Variants in RPH3AL observed in about 807,000 individuals in gnomAD.
The protein encoded by RPH3AL is rab effector Noc2.
RPH3AL carries 38 observed loss-of-function variants against 43.1 expected under a neutral mutation model. The ratio of observed to expected loss-of-function variants is 0.88; its 90% CI spans 0.68 to 1.15. The LOEUF is 1.15. RPH3AL is among the 50% of genes most tolerant of loss of function. The probability of loss-of-function intolerance (pLI) is 0.00; values close to 1 mark genes in which losing one functional copy is unlikely to be tolerated. For missense variants in RPH3AL, 462 were observed against 423.2 expected, an observed-to-expected ratio of 1.09 and a Z score of -0.81; for synonymous variants, 189 against 176.3, an observed-to-expected ratio of 1.07 and a Z score of -0.57.
At position 213,560 on chromosome 17, in the gene RPH3AL, G is replaced by A. The variant is rs2040721008; in HGVS notation, c.*292C>T. On this transcript the variant is annotated 3_prime_UTR_variant, in exon 10 of 10. Transcript: ENST00000331302. ...AACCCCCCAGCCCAACCCAAGACAC[G>A]CGCAAACTTAAAATCATCACCAGGT... is the stretch of plus-strand genomic sequence containing the variant. 1.4e-5 allele frequency: 7 copies of A among 515,480 alleles called. No homozygotes were observed. The highest frequency in any genetic ancestry group is 5.8e-5 in the African/African-American group (3 of 51,860). The allele number at this position is 515,480 out of a possible 1,614,324, so 31.9% of individuals were successfully genotyped here.
chr17:225,894 T>C lies in RPH3AL; in HGVS notation c.614-6158A>G, dbSNP rs976234544. On this transcript the variant is annotated intron_variant, in intron 7 of 9. Coordinates refer to ENST00000331302, the MANE Select transcript of RPH3AL (RefSeq NM_006987.4). The surrounding 1 kb of genome is among the most constrained non-coding windows in gnomAD (Gnocchi z 4.4). Reference sequence around the variant, plus strand: ...GGGATGGGATGTCCCAGGACTGGGGTTAGGGAGGTGAGCTCACCCTCCATC... The same window carrying C: ...GGGATGGGATGTCCCAGGACTGGGGCTAGGGAGGTGAGCTCACCCTCCATC... Among the ~76,000 whole-genome samples, 2 of 152,092 alleles carry C rather than the reference T, an allele frequency of 1.3e-5. No individual in the cohort carries two copies. The highest frequency in any genetic ancestry group is 2.9e-5 in the Non-Finnish European group (2 of 68,010).
At chr17:228,255 C>A (rs1412656113) in intron 7 of RPH3AL, among the ~76,000 whole-genome samples, 2 of 152,162 alleles carry the variant, frequency 1.3e-5, no homozygotes, top group Non-Finnish European at 2.9e-5. Flanking sequence ...TTTGCCAGGG[C>A]TGGTCTGTAA....
chr17:247,201 G>A lies in RPH3AL; in HGVS notation c.523C>T (p.Pro175Ser), dbSNP rs114455217. 2.3e-3 allele frequency: 3,690 copies of A among 1,613,998 alleles called. 77 individuals carry two copies. In the African/African-American group the frequency reaches 0.043, roughly 19 times the overall value. Residue 175 changes from proline (P) to serine (S), a missense_variant, in exon 7 of 10, where the codon CCC becomes TCC. Coordinates refer to ENST00000331302, the MANE Select transcript of RPH3AL (RefSeq NM_006987.4). ...PLKTPGRADD[P>S]HFRPLPTEPA... The stretch of plus-strand genomic sequence containing the variant: ...TCCGTGGGCAAAGGTCGGAAGTGGG[G>A]GTCATCAGCTCGGCCAGGGGTCTTC...
intron 2 of RPH3AL, among the ~76,000 whole-genome samples, chr17:330,112 G>T (rs893617804): frequency 1.3e-5 from 2 of 152,228 alleles, no homozygotes; most frequent in Non-Finnish European, 2.9e-5. Flanking sequence ...TTCTCGGCCA[G>T]TGCCACCCAT....
At chr17:265,892 TG>T (rs1429230429) in intron 6 of RPH3AL, among the ~76,000 whole-genome samples, 2 of 152,214 alleles carry the variant, frequency 1.3e-5, no homozygotes, top group African/African-American at 4.8e-5. Context: ...CCTTCTGTTC[TG>T]GGAGGGTTCT....
rs142114741 is a variant in RPH3AL at position 241,542 on chromosome 17, C to T, written c.613+5569G>A. On this transcript the variant is annotated intron_variant, in intron 7 of 9. Transcript: ENST00000331302. ...TATCCGTTGGCCTGGAGGGATGCTC[C>T]TGATACTCTTTTAAGTGAAAAAAGC... 1.5e-3 allele frequency among the ~76,000 whole-genome samples: 235 copies of T among 152,132 alleles called. 1 individual carries two copies. The highest frequency in any genetic ancestry group is 5.5e-3 in the African/African-American group (227 of 41,516).
intron 6 of RPH3AL, among the ~76,000 whole-genome samples, chr17:262,693 G>A (rs2042229422): frequency 1.3e-5 from 2 of 152,070 alleles, no homozygotes; most frequent in African/African-American, 4.8e-5. Context: ...AAAGTCAAGC[G>A]ACAAACCATC....
chr17:240,030 G>C (rs1567574470), intron 7 of RPH3AL, among the ~76,000 whole-genome samples: 1 of 152,120 alleles, frequency 6.6e-6, no homozygotes, highest in Non-Finnish European at 1.5e-5. Flanking sequence ...CTGATGTCAG[G>C]AGTTCAAGAC....
intron 7 of RPH3AL, among the ~76,000 whole-genome samples, chr17:237,462 G>A (rs575565402): frequency 3.9e-5 from 6 of 152,336 alleles, no homozygotes; most frequent in African/African-American, 1.4e-4. Flanking sequence ...AAGGCGGCAG[G>A]ATTCCTGCAG....
intron 1 of RPH3AL, among the ~76,000 whole-genome samples, chr17:350,998 C>T (rs554765110): frequency 6.6e-6 from 1 of 152,188 alleles, no homozygotes; most frequent in Non-Finnish European, 1.5e-5. Context: ...CTCTTAGCAT[C>T]TCCTCCCAGC....
At chr17:285,420 C>A (rs1199865681) in intron 5 of RPH3AL, among the ~76,000 whole-genome samples, 1 of 152,174 alleles carries the variant, frequency 6.6e-6, no homozygotes, top group Non-Finnish European at 1.5e-5. Context: ...TGAGGATCAA[C>A]TGAGACACAG....
intron 5 of RPH3AL, among the ~76,000 whole-genome samples, chr17:314,809 G>A (rs79922650): frequency 4.7e-4 from 1 of 2,144 alleles, no homozygotes. Context: ...TGTACTCCAC[G>A]TCCATTGACC....
intron 1 of RPH3AL, among the ~76,000 whole-genome samples, chr17:351,811 A>G (rs1261290282): frequency 6.6e-6 from 1 of 152,246 alleles, no homozygotes. Flanking sequence ...ATGAAAAAAA[A>G]CAAGTTATGC....
rs551772619 is a variant in RPH3AL at position 303,208 on chromosome 17, A to G, written c.351+16212T>C. ...AGGAGTCTGAGGCAGCCTGGGCAAC[A>G]TAACAAGGCCCAGTCTCCACAAAAA... On this transcript the variant is annotated intron_variant, in intron 5 of 9. Transcript: ENST00000331302. Among the ~76,000 whole-genome samples, 9 of 152,268 alleles carry G rather than the reference A, an allele frequency of 5.9e-5. No individual in the cohort carries two copies. The East Asian group carries it at 1.7e-3, about 29-fold the overall frequency.
intron 7 of RPH3AL, among the ~76,000 whole-genome samples, chr17:226,013 G>T (rs1033667203): frequency 5.3e-5 from 8 of 152,232 alleles, no homozygotes; most frequent in African/African-American, 1.9e-4. Context: ...GAACCATGCC[G>T]TGCCATGTCG....
chr17:345,107 A>AAC lies in RPH3AL; in HGVS notation c.-213+7603_-213+7604dup, dbSNP rs548169665. ...AACATGGTGAAACCTTGTCTCTGAA[A>AAC]ACACACACACACACAGAAAAAATTA... On this transcript the variant is annotated intron_variant, in intron 1 of 9. Transcript: ENST00000331302. 9.7e-5 allele frequency among the ~76,000 whole-genome samples: 13 copies of AAC among 134,166 alleles called. 4 individuals are homozygous for AAC. In the East Asian group the frequency reaches 1.2e-3, roughly 12 times the overall value. 88.0% of individuals were successfully genotyped at this position (134,166 alleles called of 152,430 possible). A position where few individuals can be genotyped will look rare whatever the true frequency, so the allele number is the denominator to read the frequency against.
chr17:303,258 G>T (rs2043375904), intron 5 of RPH3AL, among the ~76,000 whole-genome samples: 1 of 152,124 alleles, frequency 6.6e-6, no homozygotes, highest in African/African-American at 2.4e-5. Context: ...AGGAGTGGTG[G>T]CGCACACCTG....
chr17:334,359 C>A (rs1164778336), intron 1 of RPH3AL, among the ~76,000 whole-genome samples: 3 of 152,276 alleles, frequency 2.0e-5, no homozygotes, highest in Non-Finnish European at 4.4e-5. Flanking sequence ...AACAACCTGC[C>A]TCAGAGAAGC....
In RPH3AL at chr17:264,467, C is replaced by T. The variant is rs1331482458; in HGVS notation, c.439-17182G>A. ...ACAGCAGGATTACCCTTCGGAGCCGCGAGCGCTGGATGGGGACTCAGAATC... is the reference window on the plus strand; with the variant it reads ...ACAGCAGGATTACCCTTCGGAGCCGTGAGCGCTGGATGGGGACTCAGAATC... On this transcript the variant is annotated intron_variant, in intron 6 of 9. Coordinates refer to ENST00000331302, the MANE Select transcript of RPH3AL (RefSeq NM_006987.4). The surrounding 1 kb of genome is among the most constrained non-coding windows in gnomAD (Gnocchi z 4.8). Among the ~76,000 whole-genome samples the T allele has an allele frequency of 5.9e-5, 7 of 117,932 alleles. No homozygotes were observed. The highest frequency in any genetic ancestry group is 1.7e-4 in the Admixed American group (2 of 11,934). The allele number at this position is 117,932 out of a possible 152,430, so 77.4% of individuals were successfully genotyped here. A position where few individuals can be genotyped will look rare whatever the true frequency, so the allele number is the denominator to read the frequency against.
Sources: gnomAD v4.1 joint callset for allele counts (sites outside exome capture counted in the v4.1 genomes callset) on GRCh38, gnomAD v4.1.1 for gene constraint, Gnocchi (gnomAD v3.1) non-coding constraint, MANE v1.5 for transcripts, NCBI Gene and HGNC (gene_info 2026-07-23, HGNC 2026-07-21) for gene names.